Variants in SLC26A7 observed in about 807,000 individuals in gnomAD.
SLC26A7 encodes anion exchange transporter.
SLC26A7 carries 59 observed loss-of-function variants against 82.5 expected under a neutral mutation model. That is an observed-to-expected ratio of 0.72 (90% CI 0.58 to 0.89). SLC26A7 has a LOEUF of 0.89. Ranked by LOEUF, SLC26A7 falls within the 40% of genes least tolerant of loss-of-function variation. The probability of loss-of-function intolerance (pLI) is 0.00; values close to 1 mark genes in which losing one functional copy is unlikely to be tolerated. For synonymous variants in SLC26A7, 271 were observed against 274.3 expected, an observed-to-expected ratio of 0.99 and a Z score of 0.12; for missense variants, 820 against 793.0, an observed-to-expected ratio of 1.03 and a Z score of -0.41.
chr8:91,264,539 C>G (rs777997402), intron 2 of SLC26A7, among the ~76,000 whole-genome samples: 1 of 152,016 alleles, frequency 6.6e-6, no homozygotes, highest in Admixed American at 6.6e-5. Context: ...CCTGGAAGGT[C>G]ACCACACTAG....
intron 2 of SLC26A7, among the ~76,000 whole-genome samples, chr8:91,279,883 A>G (rs1811523027): frequency 6.6e-6 from 1 of 151,928 alleles, no homozygotes; most frequent in African/African-American, 2.4e-5. Context: ...TAATATACCT[A>G]TTGGTCCTTT....
chr8:91,313,186 C>T (rs1276739895), intron 4 of SLC26A7, among the ~76,000 whole-genome samples: 1 of 152,052 alleles, frequency 6.6e-6, no homozygotes, highest in African/African-American at 2.4e-5. Context: ...AAGGGTCCAA[C>T]TTCATTCATT....
chr8:91,366,687 CT>C lies in SLC26A7; in HGVS notation c.1597del (p.Cys533ValfsTer40). The C allele has an allele frequency of 6.2e-7, 1 of 1,613,006 alleles. No individual in the cohort carries two copies. Among genetic ancestry groups the C allele is most frequent in the Non-Finnish European group, 8.5e-7 (1 of 1,179,720 alleles). On this transcript the variant is annotated frameshift_variant, in exon 14 of 19. Coordinates refer to ENST00000276609, the MANE Select transcript of SLC26A7 (RefSeq NM_052832.4). LOFTEE classifies it high-confidence loss of function. ...TGAACATGATCCAAAAGGAAAATGC[CT>C]GTAATCAGCCACTTGATGATATCAG... ...LMNMIQKENA[C>X]NQPLDDISKC...
intron 4 of SLC26A7, among the ~76,000 whole-genome samples, chr8:91,316,067 T>C (rs540507212): frequency 2.6e-5 from 4 of 152,290 alleles, no homozygotes; most frequent in African/African-American, 9.6e-5. Flanking sequence ...TCCACTGTAA[T>C]TCAGGCTCAG....
At chr8:91,217,695 G>A (rs1657216203) in intron 1 of SLC26A7, among the ~76,000 whole-genome samples, 1 of 152,100 alleles carries the variant, frequency 6.6e-6, no homozygotes, top group Non-Finnish European at 1.5e-5. Flanking sequence ...GTTGCCCAAA[G>A]GAAAAACAGG....
chr8:91,278,559 A>G (rs1469729018), intron 2 of SLC26A7, among the ~76,000 whole-genome samples: 3 of 152,164 alleles, frequency 2.0e-5, no homozygotes, highest in Admixed American at 1.3e-4. Flanking sequence ...TTTCTGGATC[A>G]TGGAATTTGT....
chr8:91,247,091 T>G (rs1810554406), upstream of SLC26A7, among the ~76,000 whole-genome samples: 1 of 152,204 alleles, frequency 6.6e-6, no homozygotes, highest in East Asian at 1.9e-4. Flanking sequence ...AGAGAAGGAC[T>G]GCATTGCTTC....
upstream of SLC26A7, among the ~76,000 whole-genome samples, chr8:91,247,048 A>G (rs544802939): frequency 6.6e-6 from 1 of 152,226 alleles, no homozygotes; most frequent in South Asian, 2.1e-4. Flanking sequence ...AGAGTTAATG[A>G]GAAGCTAGTG....
chr8:91,362,897 A>G (rs1814089728), intron 12 of SLC26A7, among the ~76,000 whole-genome samples: 5 of 152,038 alleles, frequency 3.3e-5, no homozygotes, highest in Admixed American at 2.0e-4. Context: ...ATTGAGAAAC[A>G]CACTGTCTCT....
Position 91,395,526 on chromosome 8 carries a change from A to G in SLC26A7, c.*429A>G. On this transcript the variant is annotated 3_prime_UTR_variant, in exon 19 of 19. Coordinates refer to ENST00000276609, the MANE Select transcript of SLC26A7 (RefSeq NM_052832.4). ...ACTAATACATAAAAACAACTTAGCA[A>G]ATGTGCCATTTTCACACAACTTCTC... The G allele has an allele frequency of 6.2e-6, 1 of 162,244 alleles. No homozygotes were observed. Among genetic ancestry groups the G allele is most frequent in the South Asian group, 1.7e-4 (1 of 5,798 alleles). The allele number at this position is 162,244 out of a possible 1,614,324, so 10.1% of individuals were successfully genotyped here.
At chr8:91,386,438 A>G (rs971280008) in intron 15 of SLC26A7, among the ~76,000 whole-genome samples, 1 of 152,148 alleles carries the variant, frequency 6.6e-6, no homozygotes, top group Non-Finnish European at 1.5e-5. Flanking sequence ...CTATTTTATA[A>G]AAGAGGTATC....
At chr8:91,265,137 G>A (rs1811076551) in intron 2 of SLC26A7, among the ~76,000 whole-genome samples, 1 of 151,882 alleles carries the variant, frequency 6.6e-6, no homozygotes, top group African/African-American at 2.4e-5. Context: ...GAGATTATGC[G>A]GTATTTGTCT....
At chr8:91,393,510 A>G (rs147602218) in intron 16 of SLC26A7, among the ~76,000 whole-genome samples, 29 of 152,252 alleles carry the variant, frequency 1.9e-4, no homozygotes, top group African/African-American at 6.5e-4. Flanking sequence ...ACAATTTTAT[A>G]TCATTCTTAT....
chr8:91,372,762 G>T (rs574472834), intron 15 of SLC26A7, among the ~76,000 whole-genome samples: 2 of 151,578 alleles, frequency 1.3e-5, no homozygotes, highest in African/African-American at 4.8e-5. Context: ...TTCTATTTTT[G>T]TGAAAAGTGA....
rs77335624 is a variant in SLC26A7 at position 91,393,497 on chromosome 8, A to C, written c.1777-300A>C. On this transcript the variant is annotated intron_variant, in intron 16 of 18. Transcript: ENST00000276609. ...CCTTGTCTTCTATTAAAAGAGGTTGAAAACAATTTTATATCATTCTTATAG... is the reference window on the plus strand; with the variant it reads ...CCTTGTCTTCTATTAAAAGAGGTTGCAAACAATTTTATATCATTCTTATAG... 4.9e-3 allele frequency among the ~76,000 whole-genome samples: 745 copies of C among 152,246 alleles called. 10 individuals are homozygous for C. The highest frequency in any genetic ancestry group is 0.016 in the African/African-American group (684 of 41,550).
intron 6 of SLC26A7, among the ~76,000 whole-genome samples, chr8:91,336,562 G>T (rs781767844): frequency 6.6e-6 from 1 of 151,878 alleles, no homozygotes; most frequent in African/African-American, 2.4e-5. Flanking sequence ...CCACAAAGCT[G>T]ATCCCCGGTG....
At chr8:91,211,080 C>A (rs1256659125) in intron 1 of SLC26A7, among the ~76,000 whole-genome samples, 1 of 152,002 alleles carries the variant, frequency 6.6e-6, no homozygotes, top group Non-Finnish European at 1.5e-5. Flanking sequence ...CCAGAAAAAA[C>A]AATGGCATAC....
At chr8:91,323,717 T>A (rs947371962) in intron 5 of SLC26A7, among the ~76,000 whole-genome samples, 4 of 152,182 alleles carry the variant, frequency 2.6e-5, no homozygotes, top group African/African-American at 9.6e-5. Flanking sequence ...ACTACCAGAA[T>A]GTTGGTTTTC....
intron 5 of SLC26A7, among the ~76,000 whole-genome samples, chr8:91,322,120 G>T (rs1318902654): frequency 6.6e-6 from 1 of 151,944 alleles, no homozygotes; most frequent in African/African-American, 2.4e-5. Context: ...TTTTAAAAAA[G>T]ACTAAATAAC....
Sources: allele counts gnomAD v4.1 joint callset (sites outside exome capture counted in the v4.1 genomes callset), GRCh38; gene constraint gnomAD v4.1.1; transcripts MANE v1.5; gene names NCBI Gene and HGNC (gene_info 2026-07-23, HGNC 2026-07-21).